Variants in MPRIP observed in about 807,000 individuals in gnomAD.
The protein encoded by MPRIP is myosin phosphatase Rho interacting protein.
MPRIP carries 59 observed loss-of-function variants against 234.9 expected under a neutral mutation model. The ratio of observed to expected loss-of-function variants is 0.25; its 90% CI spans 0.20 to 0.31. The LOEUF is 0.31. MPRIP is among the 10% of genes least tolerant of loss of function. MPRIP has a pLI of 1.00. For synonymous variants in MPRIP, 1,144 were observed against 1,263.9 expected (o/e 0.91, Z 2.01); for missense variants, 2,436 against 3,071.0 (o/e 0.79, Z 4.89).
chr17:17,142,320 C>A (rs1023644233), intron 7 of MPRIP: 3 of 294,326 alleles, frequency 1.0e-5, no homozygotes, highest in Admixed American at 9.5e-5. Context: ...TTGATCATGT[C>A]TGTGGCTCAG....
chr17:17,167,447 T>G lies in MPRIP; in HGVS notation c.5856T>G (p.Ile1952Met), dbSNP rs1177457416. 1 of 1,303,948 alleles carries G rather than the reference T, an allele frequency of 7.7e-7. No homozygotes were observed. Among genetic ancestry groups the G allele is most frequent in the Admixed American group, 2.3e-5 (1 of 43,560 alleles). The allele number at this position is 1,303,948 out of a possible 1,614,324, so 80.8% of individuals were successfully genotyped here. ...FTLRGRYEEE[I>M]RCVVEQLTRT... is the part of the protein sequence containing the mutation. ...TGCGGGGCAGGTATGAGGAGGAGATTCGGTGTGTGGTGGAGCAGCTGACCA... is the reference window on the plus strand; with the variant it reads ...TGCGGGGCAGGTATGAGGAGGAGATGCGGTGTGTGGTGGAGCAGCTGACCA... The change falls in exon 16 of 24, where the codon ATT becomes ATG. Residue 1952 changes from isoleucine (I) to methionine (M), a missense_variant. Coordinates refer to ENST00000651222, the MANE Select transcript of MPRIP (RefSeq NM_001364716.4). The surrounding 1 kb of genome is among the most constrained non-coding windows in gnomAD (Gnocchi z 5.9).
intron 3 of MPRIP, among the ~76,000 whole-genome samples, chr17:17,092,891 G>A (rs761987118): frequency 6.6e-6 from 1 of 152,218 alleles, no homozygotes; most frequent in African/African-American, 2.4e-5. Context: ...CACACCAGGG[G>A]TCAGTTGTCG....
chr17:17,158,425 C>A lies in MPRIP; in HGVS notation c.1830-7C>A. ...TGACAGGCTATGTCCATCCTCCTGCCCCACAGCTCGTTGCCAGAGGAAAAA... is the reference window on the plus strand; with the variant it reads ...TGACAGGCTATGTCCATCCTCCTGCACCACAGCTCGTTGCCAGAGGAAAAA... On this transcript the variant is annotated splice_region_variant and splice_polypyrimidine_tract_variant and intron_variant, in intron 13 of 23. Coordinates refer to ENST00000651222, the MANE Select transcript of MPRIP (RefSeq NM_001364716.4). 6.5e-7 allele frequency: 1 copy of A among 1,546,830 alleles called. No homozygotes were observed. The highest frequency in any genetic ancestry group is 8.7e-7 in the Non-Finnish European group (1 of 1,146,964).
chr17:17,168,067 G>A (rs1285916096), intron 16 of MPRIP, 152 bp downstream of exon 16: 7 of 590,594 alleles, frequency 1.2e-5, no homozygotes, highest in Non-Finnish European at 1.8e-5. Context: ...AGCAGGGCCT[G>A]GGCCGCAGGC....
At chr17:17,184,757 G>A (rs1364947965) in intron 23 of MPRIP, 66 bp from the exon 24 acceptor site, 11 of 1,306,494 alleles carry the variant, frequency 8.4e-6, no homozygotes, top group South Asian at 4.7e-5. Context: ...GGTCTGGTCC[G>A]GTCCGGTCCA....
intron 3 of MPRIP, among the ~76,000 whole-genome samples, chr17:17,115,475 G>C (rs576907399): frequency 6.6e-6 from 1 of 152,218 alleles, no homozygotes; most frequent in African/African-American, 2.4e-5. Flanking sequence ...AGCCATGAAG[G>C]CCTGTTGGAA....
intron 11 of MPRIP, among the ~76,000 whole-genome samples, chr17:17,147,811 C>T (rs1039760071): frequency 1.4e-4 from 22 of 152,196 alleles, no homozygotes; most frequent in African/African-American, 5.3e-4. Flanking sequence ...TGTGCCCTGC[C>T]TTCTGGACAA....
At position 17,137,921 on chromosome 17, in the gene MPRIP, A is replaced by G. The variant is rs769861795; in HGVS notation, c.742A>G (p.Ser248Gly). 3 of 1,599,442 alleles carry G rather than the reference A, an allele frequency of 1.9e-6. No homozygotes were observed. Among genetic ancestry groups the G allele is most frequent in the Non-Finnish European group, 2.6e-6 (3 of 1,173,184 alleles). Residue 248 changes from serine (S) to glycine (G), a missense_variant, in exon 7 of 24, where the codon AGC (serine) becomes GGC (glycine). Coordinates refer to ENST00000651222, the MANE Select transcript of MPRIP (RefSeq NM_001364716.4). ...EPGLESKEEE[S>G]AMSSDRMDCG... ...CCTCCCACTGTCTCTTCCAGAGGAG[A>G]GCGCCATGAGTAGCGACCGCATGGA...
intron 1 of MPRIP, chr17:17,057,519 A>AGG: frequency 1.4e-6 from 1 of 694,562 alleles, no homozygotes; most frequent in East Asian, 2.7e-5. Flanking sequence ...CTGCTGGCAG[A>AGG]GGGCCCACAG....
chr17:17,100,902 T>G (rs72837935), intron 3 of MPRIP, among the ~76,000 whole-genome samples: 391 of 152,304 alleles, frequency 2.6e-3, no homozygotes, highest in Non-Finnish European at 2.4e-3. Context: ...ACCAAAAAGT[T>G]TGGGGACCAC....
At chr17:17,151,245 A>T (rs1476411564) in intron 12 of MPRIP, among the ~76,000 whole-genome samples, 1 of 152,122 alleles carries the variant, frequency 6.6e-6, no homozygotes, top group Non-Finnish European at 1.5e-5. Context: ...ATTCACTAGA[A>T]TGACTCACAG....
chr17:17,166,154 C>T lies in MPRIP; in HGVS notation c.4563C>T (p.His1521=). ...TCAGCGCCATCCAAGCCCTGCAGCA[C>T]TGGCCGGCCCCAGCCCATGGCGGGG... ...ALVSAIQALQ[H]WPAPAHGGAR... The change falls in exon 16 of 24, where the codon CAC becomes CAT. Residue 1521 remains histidine, a synonymous_variant. Transcript: ENST00000651222. The surrounding 1 kb of genome is among the most constrained non-coding windows in gnomAD (Gnocchi z 4.4). The T allele has an allele frequency of 7.7e-7, 1 of 1,302,588 alleles. No homozygotes were observed. The highest frequency in any genetic ancestry group is 5.6e-5 in the East Asian group (1 of 17,990). 80.7% of individuals were successfully genotyped at this position (1,302,588 alleles called of 1,614,324 possible).
chr17:17,066,026 A>C (rs917642476), intron 1 of MPRIP, among the ~76,000 whole-genome samples: 1 of 152,156 alleles, frequency 6.6e-6, no homozygotes, highest in African/African-American at 2.4e-5. Flanking sequence ...TGAACTCACT[A>C]GTTCTAGGAG....
At chr17:17,057,015 A>G (rs574873009) in intron 1 of MPRIP, among the ~76,000 whole-genome samples, 6 of 152,238 alleles carry the variant, frequency 3.9e-5, no homozygotes, top group East Asian at 1.9e-4. Context: ...CGTTGTGGAT[A>G]GTGCTGCTGT....
At position 17,191,754 on chromosome 17, in the gene MPRIP, C is replaced by T. The variant is rs2046591143; in HGVS notation, c.*6860C>T. Reference sequence around the variant, plus strand: ...CTTGAGAAGTTAGTGGTGTCACATCCTTAGTTTTATAGACAGCTAGGAATA... The same window carrying T: ...CTTGAGAAGTTAGTGGTGTCACATCTTTAGTTTTATAGACAGCTAGGAATA... On this transcript the variant is annotated 3_prime_UTR_variant, in exon 24 of 24. Coordinates refer to ENST00000651222, the MANE Select transcript of MPRIP (RefSeq NM_001364716.4). 1 of 152,252 alleles carries T rather than the reference C, an allele frequency of 6.6e-6. No individual in the cohort carries two copies. The highest frequency in any genetic ancestry group is 2.1e-4 in the South Asian group (1 of 4,836). 9.4% of individuals were successfully genotyped at this position (152,252 alleles called of 1,614,324 possible). A position where few individuals can be genotyped will look rare whatever the true frequency, so the allele number is the denominator to read the frequency against.
At chr17:17,057,307 G>A (rs1039537286) in intron 1 of MPRIP, among the ~76,000 whole-genome samples, 2 of 152,244 alleles carry the variant, frequency 1.3e-5, no homozygotes, top group African/African-American at 2.4e-5. Context: ...GCAGTGTCAC[G>A]GGGCGGTGCA....
intron 5 of MPRIP, 119 bp downstream of exon 5, chr17:17,131,820 A>G: frequency 1.2e-6 from 1 of 827,382 alleles, no homozygotes. Context: ...GGCAGTCACC[A>G]ACTCTGCACA....
Position 17,165,596 on chromosome 17 carries a change from C to G in MPRIP, c.4005C>G (p.Pro1335=), listed in dbSNP as rs995642655. The G allele has an allele frequency of 5.4e-6, 7 of 1,304,834 alleles. No individual in the cohort carries two copies. The highest frequency in any genetic ancestry group is 7.1e-6 in the Non-Finnish European group (7 of 989,066). The allele number at this position is 1,304,834 out of a possible 1,614,324, so 80.8% of individuals were successfully genotyped here. The change falls in exon 16 of 24, where the codon CCC becomes CCG. Residue 1335 remains proline, a synonymous_variant. Coordinates refer to ENST00000651222, the MANE Select transcript of MPRIP (RefSeq NM_001364716.4). ...TCCAGTGCCAAAGATACATTCACCC[C>G]GAAGGGTCTGAGAAGACCTGGACCA... is the stretch of plus-strand genomic sequence containing the variant. The part of the protein sequence containing the change: ...STIQCQRYIH[P]EGSEKTWTSS...
intron 23 of MPRIP, among the ~76,000 whole-genome samples, chr17:17,181,309 G>C (rs752322477): frequency 6.6e-6 from 1 of 152,166 alleles, no homozygotes; most frequent in Non-Finnish European, 1.5e-5. Flanking sequence ...AGTAGTTGCC[G>C]GCTCAGTAGC....
Sources: gnomAD v4.1 joint callset for allele counts (sites outside exome capture counted in the v4.1 genomes callset) on GRCh38, gnomAD v4.1.1 for gene constraint, Gnocchi (gnomAD v3.1) non-coding constraint, MANE v1.5 for transcripts, NCBI Gene and HGNC (gene_info 2026-07-23, HGNC 2026-07-21) for gene names.